Variants in TFAP2D observed in about 807,000 individuals in gnomAD.
The protein encoded by TFAP2D is transcription factor AP-2 delta, also known as transcription factor AP-2-delta.
Under a neutral mutation model 43.6 loss-of-function variants are expected in TFAP2D, and 9 were observed. The observed-to-expected ratio is 0.21, with a 90% confidence interval of 0.12 to 0.36. The LOEUF is 0.36. TFAP2D is among the 10% of genes least tolerant of loss of function. TFAP2D has a pLI of 1.00. For synonymous variants in TFAP2D, 256 were observed against 224.9 expected (o/e 1.14, Z -1.24); for missense variants, 513 against 561.4 (o/e 0.91, Z 0.87).
chr6:50,762,811 A>G (rs1161040955), intron 7 of TFAP2D, among the ~76,000 whole-genome samples: 1 of 152,064 alleles, frequency 6.6e-6, no homozygotes, highest in East Asian at 1.9e-4. Flanking sequence ...TGAAATTAGT[A>G]ATAGGAAAAT....
intron 5 of TFAP2D, among the ~76,000 whole-genome samples, chr6:50,730,772 G>C (rs1768878879): frequency 6.6e-6 from 1 of 151,994 alleles, no homozygotes; most frequent in African/African-American, 2.4e-5. Flanking sequence ...ACTCATTCTG[G>C]GGTGATGGCT....
At position 50,728,966 on chromosome 6, in the gene TFAP2D, C is replaced by T. The variant is rs1274078649; in HGVS notation, c.709C>T (p.Arg237Cys). ...YKVTIAEVKR[R>C]LSPPECLNAS... Reference sequence around the variant, plus strand: ...GGTGACCATTGCTGAGGTAAAGAGGCGCCTCTCCCCACCTGAGTGCCTCAA... The same window carrying T: ...GGTGACCATTGCTGAGGTAAAGAGGTGCCTCTCCCCACCTGAGTGCCTCAA... The change falls in exon 4 of 8, where the codon CGC becomes TGC. Residue 237 changes from arginine to cysteine, a missense_variant. Arg to Cys is a radical substitution (Grantham distance 180). Coordinates refer to ENST00000008391, the MANE Select transcript of TFAP2D (RefSeq NM_172238.4). 2 of 1,613,828 alleles carry T rather than the reference C, an allele frequency of 1.2e-6. No individual in the cohort carries two copies. Among genetic ancestry groups the T allele is most frequent in the Non-Finnish European group, 1.7e-6 (2 of 1,179,942 alleles).
chr6:50,758,915 G>A (rs1275617225), intron 7 of TFAP2D, among the ~76,000 whole-genome samples: 3 of 152,000 alleles, frequency 2.0e-5, no homozygotes, highest in African/African-American at 4.8e-5. Flanking sequence ...GATGGGCCTA[G>A]GAGAAGGTTC....
chr6:50,763,926 C>T (rs1769404553), intron 7 of TFAP2D, among the ~76,000 whole-genome samples: 1 of 152,080 alleles, frequency 6.6e-6, no homozygotes, highest in Non-Finnish European at 1.5e-5. Context: ...ACTGTGTGGG[C>T]TTGTTAAATT....
At chr6:50,735,150 C>T (rs1317807731) in intron 5 of TFAP2D, among the ~76,000 whole-genome samples, 1 of 152,064 alleles carries the variant, frequency 6.6e-6, no homozygotes, top group Non-Finnish European at 1.5e-5. Context: ...AGTCATTATT[C>T]TCAAATGAGA....
At chr6:50,759,465 T>C (rs891127520) in intron 7 of TFAP2D, among the ~76,000 whole-genome samples, 1 of 152,112 alleles carries the variant, frequency 6.6e-6, no homozygotes. Flanking sequence ...TCATTACTTA[T>C]GCTGAGTTTC....
chr6:50,757,875 C>T (rs942900904), intron 7 of TFAP2D, among the ~76,000 whole-genome samples: 1 of 139,892 alleles, frequency 7.1e-6, no homozygotes, highest in East Asian at 2.1e-4. Flanking sequence ...AGTGATGCTA[C>T]AATAGAAGAT....
intron 6 of TFAP2D, among the ~76,000 whole-genome samples, chr6:50,749,192 A>G (rs981566168): frequency 2.6e-5 from 4 of 151,656 alleles, no homozygotes; most frequent in Non-Finnish European, 4.4e-5. Context: ...ATATAATATA[A>G]TATTACTCCT....
In TFAP2D at chr6:50,714,026, T is replaced by A; in HGVS notation, c.-30T>A. The A allele has an allele frequency of 6.2e-7, 1 of 1,612,498 alleles. No homozygotes were observed. Among genetic ancestry groups the A allele is most frequent in the Non-Finnish European group, 8.5e-7 (1 of 1,179,632 alleles). ...CCGATTCTTTTTTTGGAGGGGGAAA[T>A]TGCATCGTAAGCTTTCGGAGAAACC... On this transcript the variant is annotated 5_prime_UTR_variant, in exon 1 of 8. The change creates a new upstream start codon in the 5' untranslated region. Transcript: ENST00000008391.
chr6:50,758,870 C>T (rs1006030598), intron 7 of TFAP2D, among the ~76,000 whole-genome samples: 1 of 151,874 alleles, frequency 6.6e-6, no homozygotes, highest in Non-Finnish European at 1.5e-5. Flanking sequence ...GGAGATCTTC[C>T]TTGCTAAAAC....
At position 50,728,621 on chromosome 6, in the gene TFAP2D, A is replaced by G. The variant is rs917275241; in HGVS notation, c.599-235A>G. Among the ~76,000 whole-genome samples, 4 of 152,316 alleles carry G rather than the reference A, an allele frequency of 2.6e-5. No homozygotes were observed. In the South Asian group the frequency reaches 8.3e-4, roughly 32 times the overall value. On this transcript the variant is annotated intron_variant, in intron 3 of 7. Coordinates refer to ENST00000008391, the MANE Select transcript of TFAP2D (RefSeq NM_172238.4). ...TCAGTCTACACTCCGTAGGATGCCA[A>G]TGTTTCTAACAATTGTACACTCACA...
At chr6:50,737,236 G>A (rs967569827) in intron 5 of TFAP2D, among the ~76,000 whole-genome samples, 1 of 152,098 alleles carries the variant, frequency 6.6e-6, no homozygotes, top group Non-Finnish European at 1.5e-5. Context: ...CCTCCCAAAG[G>A]CTAGATTATA....
In TFAP2D at chr6:50,715,235, C is replaced by G. The variant is rs780621262; in HGVS notation, c.159C>G (p.Thr53=). 4.0e-5 allele frequency: 64 copies of G among 1,614,046 alleles called. 1 individual carries two copies. The Middle Eastern group carries it at 4.9e-4, about 12-fold the overall frequency. The change falls in exon 2 of 8, where the codon ACC becomes ACG. Residue 53 remains threonine (T), a synonymous_variant. Coordinates refer to ENST00000008391, the MANE Select transcript of TFAP2D (RefSeq NM_172238.4). ...SSPLTYSTTG[T]EFASPYFSTN... is the part of the protein sequence containing the mutation. ...CTTTAACTTACTCCACCACCGGCACCGAGTTTGCGTCCCCCTACTTCTCCA... is the reference window on the plus strand; with the variant it reads ...CTTTAACTTACTCCACCACCGGCACGGAGTTTGCGTCCCCCTACTTCTCCA...
intron 7 of TFAP2D, among the ~76,000 whole-genome samples, chr6:50,766,216 G>A (rs554927872): frequency 6.6e-6 from 1 of 152,196 alleles, no homozygotes; most frequent in Non-Finnish European, 1.5e-5. Flanking sequence ...TGTTCCATTG[G>A]TCTATGTGTC....
At position 50,745,200 on chromosome 6, in the gene TFAP2D, T is replaced by G; in HGVS notation, c.977T>G (p.Met326Arg). The G allele has an allele frequency of 6.2e-7, 1 of 1,613,628 alleles. No homozygotes were observed. Among genetic ancestry groups the G allele is most frequent in the Non-Finnish European group, 8.5e-7 (1 of 1,179,766 alleles). Reference protein sequence around the residue: ...AVGEHLARQHMEQKEQTARKK... With the variant: ...AVGEHLARQHREQKEQTARKK... ...GGAGAACATCTTGCCAGACAACATATGGAACAGAAAGAACAGACAGCAAGA... is the reference window on the plus strand; with the variant it reads ...GGAGAACATCTTGCCAGACAACATAGGGAACAGAAAGAACAGACAGCAAGA... Residue 326 changes from methionine (M) to arginine (R), a missense_variant, in exon 6 of 8, where the codon ATG becomes AGG. Physicochemically the swap from Met to Arg is moderately conservative, Grantham distance 91 (BLOSUM62 -1). Coordinates refer to ENST00000008391, the MANE Select transcript of TFAP2D (RefSeq NM_172238.4).
intron 7 of TFAP2D, among the ~76,000 whole-genome samples, chr6:50,760,471 G>A (rs191573484): frequency 1.3e-5 from 2 of 151,794 alleles, no homozygotes; most frequent in Non-Finnish European, 2.9e-5. Context: ...ATGCATCTAG[G>A]GTTGAGAACC....
intron 3 of TFAP2D, among the ~76,000 whole-genome samples, chr6:50,720,777 C>A (rs1469590020): frequency 6.6e-6 from 1 of 152,106 alleles, no homozygotes; most frequent in Non-Finnish European, 1.5e-5. Flanking sequence ...ACACTCAGGG[C>A]GCTTAGAGAC....
intron 5 of TFAP2D, among the ~76,000 whole-genome samples, chr6:50,735,728 C>A (rs949822046): frequency 6.6e-6 from 1 of 152,074 alleles, no homozygotes; most frequent in African/African-American, 2.4e-5. Flanking sequence ...TCCCTTCTAC[C>A]TTTAATCTTG....
chr6:50,748,129 C>T (rs1000770928), intron 6 of TFAP2D, among the ~76,000 whole-genome samples: 3 of 151,804 alleles, frequency 2.0e-5, no homozygotes, highest in Non-Finnish European at 4.4e-5. Flanking sequence ...TCAGAGACTC[C>T]AGTCATAGCA....
Sources: gnomAD v4.1 joint callset for allele counts (sites outside exome capture counted in the v4.1 genomes callset) on GRCh38, gnomAD v4.1.1 for gene constraint, MANE v1.5 for transcripts, NCBI Gene and HGNC (gene_info 2026-07-23, HGNC 2026-07-21) for gene names.